NCKAP5: variants seen among roughly 807,000 people sequenced by gnomAD.
NCKAP5 encodes the protein NCK associated protein 5.
In NCKAP5, 92 loss-of-function variants were observed where a neutral mutation model predicts 167.0. That is an observed-to-expected ratio of 0.55 (90% CI 0.47 to 0.66). The LOEUF (loss-of-function observed/expected upper bound fraction) is 0.66, where lower values mean the gene tolerates loss of function less well. Among genes scored for constraint, NCKAP5 ranks in the 30% least tolerant of loss-of-function variants. NCKAP5 has a pLI of 0.00. For missense variants in NCKAP5, 2,378 were observed against 2,315.0 expected, an observed-to-expected ratio of 1.03 and a Z score of -0.56; for synonymous variants, 891 against 877.4, an observed-to-expected ratio of 1.02 and a Z score of -0.27.
intron 10 of NCKAP5, among the ~76,000 whole-genome samples, chr2:132,863,098 G>T (rs1690060908): frequency 6.6e-6 from 1 of 152,142 alleles, no homozygotes; most frequent in Admixed American, 6.5e-5. Context: ...GGGATTACAG[G>T]CATGAACCAC....
At chr2:132,959,102 T>TAATTAA (rs2076432348) in intron 8 of NCKAP5, among the ~76,000 whole-genome samples, 1 of 147,652 alleles carries the variant, frequency 6.8e-6, no homozygotes, top group African/African-American at 2.5e-5. Flanking sequence ...TATTAATATA[T>TAATTAA]TTAATATTAA....
intron 3 of NCKAP5, among the ~76,000 whole-genome samples, chr2:133,464,356 T>G (rs1444119157): frequency 3.3e-5 from 5 of 152,176 alleles, no homozygotes; most frequent in Non-Finnish European, 5.9e-5. Context: ...TCATAGTACC[T>G]AGGTACAAAA....
intron 8 of NCKAP5, among the ~76,000 whole-genome samples, chr2:132,945,379 G>C (rs1245914908): frequency 6.6e-6 from 1 of 152,098 alleles, no homozygotes; most frequent in African/African-American, 2.4e-5. Context: ...GATGAACAAG[G>C]GGATGTGGCC....
intron 11 of NCKAP5, among the ~76,000 whole-genome samples, chr2:132,823,332 A>T (rs543402936): frequency 6.6e-6 from 1 of 152,314 alleles, no homozygotes; most frequent in South Asian, 2.1e-4. Context: ...ATGAAAACCT[A>T]TCAAATTAAC....
At chr2:132,943,858 C>T (rs1010418157) in intron 8 of NCKAP5, among the ~76,000 whole-genome samples, 7 of 152,182 alleles carry the variant, frequency 4.6e-5, no homozygotes, top group African/African-American at 1.7e-4. Flanking sequence ...AAGACCTTAC[C>T]AATGAGAGTT....
At chr2:133,318,357 C>A (rs1483798436) in intron 3 of NCKAP5, among the ~76,000 whole-genome samples, 1 of 152,210 alleles carries the variant, frequency 6.6e-6, no homozygotes, top group East Asian at 1.9e-4. Context: ...CTTCTGCTCT[C>A]AACTCTAGCT....
chr2:133,385,251 C>T (rs1260630578), intron 3 of NCKAP5, among the ~76,000 whole-genome samples: 1 of 152,140 alleles, frequency 6.6e-6, no homozygotes, highest in African/African-American at 2.4e-5. Flanking sequence ...GAGTTTTTAG[C>T]ATGAAGGGTT....
At chr2:133,204,754 T>C (rs77421898) in intron 5 of NCKAP5, among the ~76,000 whole-genome samples, 1 of 152,180 alleles carries the variant, frequency 6.6e-6, no homozygotes, top group African/African-American at 2.4e-5. Context: ...TTTCTACATA[T>C]CCTTGCCTAC....
At chr2:133,454,928 C>G (rs1691754118) in intron 3 of NCKAP5, among the ~76,000 whole-genome samples, 1 of 152,026 alleles carries the variant, frequency 6.6e-6, no homozygotes, top group African/African-American at 2.4e-5. Context: ...CAGTTATATA[C>G]TTTCATCCAA....
chr2:132,735,532 C>A (rs1427158966), intron 16 of NCKAP5, among the ~76,000 whole-genome samples: 3 of 152,192 alleles, frequency 2.0e-5, no homozygotes, highest in Non-Finnish European at 4.4e-5. Flanking sequence ...AACCATGAAC[C>A]AGTTACACCT....
At chr2:132,978,929 A>T (rs1349261645) in intron 7 of NCKAP5, among the ~76,000 whole-genome samples, 2 of 152,160 alleles carry the variant, frequency 1.3e-5, no homozygotes, top group Non-Finnish European at 2.9e-5. Flanking sequence ...TGTGTCAAAG[A>T]TTATGCCAGA....
intron 3 of NCKAP5, among the ~76,000 whole-genome samples, chr2:133,428,093 G>A (rs1026268043): frequency 6.6e-5 from 10 of 152,002 alleles, no homozygotes; most frequent in South Asian, 2.1e-4. Flanking sequence ...TTGAAAGAAC[G>A]GGCACTAGGC....
At chr2:133,644,921 C>A in the NCKAP5 span, among the ~76,000 whole-genome samples, 1 of 152,072 alleles carries the variant, frequency 6.6e-6, no homozygotes. Context: ...TAAATTATTT[C>A]AAATGAGATC....
chr2:133,600,443 C>T, the NCKAP5 span, among the ~76,000 whole-genome samples: 1 of 152,296 alleles, frequency 6.6e-6, no homozygotes, highest in South Asian at 2.1e-4. Context: ...ACACACAAAA[C>T]CCTTTTTGTT....
At chr2:133,350,138 G>A (rs1158459840) in intron 3 of NCKAP5, among the ~76,000 whole-genome samples, 1 of 152,146 alleles carries the variant, frequency 6.6e-6, no homozygotes, top group Non-Finnish European at 1.5e-5. Flanking sequence ...CTGGCTGGGA[G>A]TGATGGTTCA....
intron 16 of NCKAP5, among the ~76,000 whole-genome samples, chr2:132,739,044 T>A (rs1288313955): frequency 6.6e-6 from 1 of 152,174 alleles, no homozygotes; most frequent in Non-Finnish European, 1.5e-5. Context: ...TATACCATAT[T>A]CGTTCACATA....
At chr2:132,799,987 A>G (rs1442844716) in intron 11 of NCKAP5, among the ~76,000 whole-genome samples, 1 of 152,134 alleles carries the variant, frequency 6.6e-6, no homozygotes, top group African/African-American at 2.4e-5. Flanking sequence ...AAAGCACACA[A>G]CCCCAAAGAA....
Position 132,998,334 on chromosome 2 carries a change from G to GA in NCKAP5, c.342-4096_342-4095insT, listed in dbSNP as rs1559034845. On this transcript the variant is annotated intron_variant, in intron 6 of 19. Coordinates refer to ENST00000409261, the MANE Select transcript of NCKAP5 (RefSeq NM_207363.3). The stretch of plus-strand genomic sequence containing the variant: ...CTTTATACTTAAAAAATAGGAAAAA[G>GA]TGGGGGTGGACAGGAAATTGTTAAA... Among the ~76,000 whole-genome samples the GA allele has an allele frequency of 3.9e-5, 6 of 152,224 alleles. No individual in the cohort carries two copies. The East Asian group carries it at 1.2e-3, about 29-fold the overall frequency.
chr2:133,591,971 G>A, the NCKAP5 span, among the ~76,000 whole-genome samples: 2 of 152,046 alleles, frequency 1.3e-5, no homozygotes, highest in African/African-American at 2.4e-5. Context: ...CTATTGCTAA[G>A]TACCTCTTGT....
Sources: allele counts gnomAD v4.1 joint callset (sites outside exome capture counted in the v4.1 genomes callset), GRCh38; gene constraint gnomAD v4.1.1; transcripts MANE v1.5; gene names NCBI Gene and HGNC (gene_info 2026-07-23, HGNC 2026-07-21).